The following PRDM16 variants were observed in gnomAD, a reference collection of about 807,000 sequenced individuals.
The protein encoded by PRDM16 is histone-lysine N-methyltransferase PRDM16.
In PRDM16, 23 loss-of-function variants were observed where a neutral mutation model predicts 110.6. That is an observed-to-expected ratio of 0.21 (90% CI 0.15 to 0.29). The LOEUF is 0.29. Ranked by LOEUF, PRDM16 falls within the 10% of genes least tolerant of loss-of-function variation. The probability of loss-of-function intolerance (pLI) is 1.00; values close to 1 mark genes in which losing one functional copy is unlikely to be tolerated. For synonymous variants in PRDM16, 799 were observed against 781.8 expected, an observed-to-expected ratio of 1.02 and a Z score of -0.37; for missense variants, 1,615 against 1,794.3, an observed-to-expected ratio of 0.90 and a Z score of 1.81.
chr1:3,365,593 G>A (rs1385188853), intron 3 of PRDM16, among the ~76,000 whole-genome samples: 2 of 152,244 alleles, frequency 1.3e-5, no homozygotes, highest in Non-Finnish European at 2.9e-5. Context: ...CAGACAAGGA[G>A]AGGGAATACT....
chr1:3,363,990 C>T (rs758214712), intron 3 of PRDM16, among the ~76,000 whole-genome samples: 10 of 152,260 alleles, frequency 6.6e-5, no homozygotes, highest in Non-Finnish European at 8.8e-5. Context: ...CAGCCCGCTA[C>T]GCACACCTTA....
intron 1 of PRDM16, among the ~76,000 whole-genome samples, chr1:3,070,076 G>A (rs1641710847): frequency 6.6e-6 from 1 of 151,930 alleles, no homozygotes; most frequent in Non-Finnish European, 1.5e-5. Flanking sequence ...CCGACAGGAG[G>A]GACCCACCCG....
chr1:3,321,378 G>A (rs1224118859), intron 3 of PRDM16, among the ~76,000 whole-genome samples: 2 of 114,860 alleles, frequency 1.7e-5, no homozygotes, highest in Non-Finnish European at 3.5e-5. Flanking sequence ...GTGCATTTGT[G>A]TGTGGGTCTC....
In PRDM16 at chr1:3,246,825, C is replaced by A. The variant is rs1639800916; in HGVS notation, c.438+2688C>A. 6.6e-6 allele frequency among the ~76,000 whole-genome samples: 1 copy of A among 152,048 alleles called. No homozygotes were observed. The highest frequency in any genetic ancestry group is 1.5e-5 in the Non-Finnish European group (1 of 68,008). ...TCTCGGGGAGCCGGGGGGGTTGGGG[C>A]TGAGAGACTGAGAGACATGAGCTAA... On this transcript the variant is annotated intron_variant, in intron 3 of 16. Coordinates refer to ENST00000270722, the MANE Select transcript of PRDM16 (RefSeq NM_022114.4). The surrounding 1 kb of genome is among the most constrained non-coding windows in gnomAD (Gnocchi z 5.2).
chr1:3,109,163 C>T (rs909553912), intron 1 of PRDM16, among the ~76,000 whole-genome samples: 1 of 152,018 alleles, frequency 6.6e-6, no homozygotes, highest in African/African-American at 2.4e-5. Flanking sequence ...TCCCATGCAG[C>T]ACCCTAAAAA....
At chr1:3,250,086 G>A (rs1023344791) in intron 3 of PRDM16, among the ~76,000 whole-genome samples, 2 of 152,100 alleles carry the variant, frequency 1.3e-5, no homozygotes, top group South Asian at 2.1e-4. Flanking sequence ...ACCAGCCCAG[G>A]TGCCTGGCTT....
At chr1:3,138,251 G>A (rs1444207414) in intron 1 of PRDM16, among the ~76,000 whole-genome samples, 5 of 152,254 alleles carry the variant, frequency 3.3e-5, no homozygotes, top group African/African-American at 1.2e-4. Flanking sequence ...TGTGCAGAAA[G>A]GAAAGGATCT....
rs1033430615 is a variant in PRDM16, at chr1:3,353,407, A to G, written c.439-31745A>G. ...TTGCCACATCTGAAATTGGACCCGA[A>G]TGCGCATGGGGACACCATCCTGCAG... On this transcript the variant is annotated intron_variant, in intron 3 of 16. Coordinates refer to ENST00000270722, the MANE Select transcript of PRDM16 (RefSeq NM_022114.4). This position sits in a 1 kb window ranked among gnomAD's most constrained non-coding sequence, Gnocchi z 5.4. 3.9e-5 allele frequency among the ~76,000 whole-genome samples: 6 copies of G among 152,138 alleles called. No homozygotes were observed. The highest frequency in any genetic ancestry group is 8.8e-5 in the Non-Finnish European group (6 of 68,012).
intron 1 of PRDM16, among the ~76,000 whole-genome samples, chr1:3,182,441 G>A (rs116619066): frequency 1.1e-3 from 174 of 152,280 alleles, no homozygotes; most frequent in Non-Finnish European, 2.1e-3. Flanking sequence ...CTCTTCTCTC[G>A]CTCTCTCCAG....
chr1:3,366,607 G>T (rs966417600), intron 3 of PRDM16, among the ~76,000 whole-genome samples: 1 of 152,138 alleles, frequency 6.6e-6, no homozygotes, highest in African/African-American at 2.4e-5. Context: ...GGATAATCTT[G>T]ACAGCCCTGA....
intron 1 of PRDM16, among the ~76,000 whole-genome samples, chr1:3,182,463 C>A (rs945673632): frequency 5.9e-5 from 9 of 152,310 alleles, no homozygotes; most frequent in African/African-American, 1.9e-4. Flanking sequence ...CCCCAAGACC[C>A]TGGCCATAGC....
intron 3 of PRDM16, among the ~76,000 whole-genome samples, chr1:3,356,499 G>A (rs946758): frequency 0.52 from 78,372 of 152,098 alleles, 22,475 homozygotes; most frequent in African/African-American, 0.78. Context: ...TTGGGGAGAC[G>A]GTCAGAGGAG....
At chr1:3,368,841 G>C (rs1001147037) in intron 3 of PRDM16, among the ~76,000 whole-genome samples, 1 of 152,164 alleles carries the variant, frequency 6.6e-6, no homozygotes, top group African/African-American at 2.4e-5. Context: ...AAAAAAAATA[G>C]CAATAGCAAA....
intron 2 of PRDM16, among the ~76,000 whole-genome samples, chr1:3,192,704 G>T (rs1487836026): frequency 6.6e-6 from 1 of 152,130 alleles, no homozygotes; most frequent in African/African-American, 2.4e-5. Context: ...CCCAGCTCCT[G>T]CCCAGGAGGG....
intron 3 of PRDM16, among the ~76,000 whole-genome samples, chr1:3,296,966 T>G (rs549273283): frequency 6.6e-6 from 1 of 152,358 alleles, no homozygotes; most frequent in African/African-American, 2.4e-5. Flanking sequence ...CAAACTCATC[T>G]AACACAAAGC....
chr1:3,256,341 G>A (rs1022140942), intron 3 of PRDM16, among the ~76,000 whole-genome samples: 1 of 152,134 alleles, frequency 6.6e-6, no homozygotes, highest in African/African-American at 2.4e-5. Flanking sequence ...TCCCAAGGTG[G>A]GTCCACGCCC....
intron 1 of PRDM16, among the ~76,000 whole-genome samples, chr1:3,120,778 C>A (rs956030086): frequency 6.6e-6 from 1 of 152,158 alleles, no homozygotes; most frequent in African/African-American, 2.4e-5. Context: ...AGTCTGGGGA[C>A]CCGGATGGCA....
At chr1:3,224,782 GC>G (rs1339619900) in intron 2 of PRDM16, among the ~76,000 whole-genome samples, 3 of 152,260 alleles carry the variant, frequency 2.0e-5, no homozygotes, top group African/African-American at 4.8e-5. Context: ...GCGGGAGGAT[GC>G]CTACTGTGGT....
At chr1:3,135,724 A>G (rs1643424648) in intron 1 of PRDM16, among the ~76,000 whole-genome samples, 1 of 152,162 alleles carries the variant, frequency 6.6e-6, no homozygotes, top group Non-Finnish European at 1.5e-5. Flanking sequence ...AGGCGTAATT[A>G]TAGGGTCGGG....
Sources: gnomAD v4.1 joint callset for allele counts (sites outside exome capture counted in the v4.1 genomes callset) on GRCh38, gnomAD v4.1.1 for gene constraint, Gnocchi (gnomAD v3.1) non-coding constraint, MANE v1.5 for transcripts, NCBI Gene and HGNC (gene_info 2026-07-23, HGNC 2026-07-21) for gene names.